Variants in ZBTB39 observed in about 807,000 individuals in gnomAD.
The protein encoded by ZBTB39 is zinc finger and BTB domain-containing protein 39.
In ZBTB39, 25 loss-of-function variants were observed where a neutral mutation model predicts 39.4. The ratio of observed to expected loss-of-function variants is 0.63; its 90% CI spans 0.46 to 0.89. The LOEUF is 0.89. Among genes scored for constraint, ZBTB39 ranks in the 40% least tolerant of loss-of-function variants. The pLI, the probability that ZBTB39 is intolerant of heterozygous loss-of-function variation, is 0.00. For synonymous variants in ZBTB39, 373 were observed against 359.6 expected, an observed-to-expected ratio of 1.04 and a Z score of -0.42; for missense variants, 891 against 909.7, an observed-to-expected ratio of 0.98 and a Z score of 0.26.
chr12:57,004,204 C>T lies in ZBTB39; in HGVS notation c.714G>A (p.Gln238=), dbSNP rs772649676. 1.1e-5 allele frequency: 17 copies of T among 1,614,170 alleles called. No homozygotes were observed. The Middle Eastern group carries it at 2.5e-3, about 235-fold the overall frequency. The change falls in exon 2 of 2, where the codon CAG becomes CAA. Residue 238 remains glutamine, a synonymous_variant. Transcript: ENST00000300101. ...ATGGCTGGCAGGAGCTCGTGCTGGT[C>T]TGGATGCCCGTGCTGACAGTGCCTA... is the stretch of plus-strand genomic sequence containing the variant. ...PLLGTVSTGI[Q]TSTSSCQPYK...
chr12:57,004,282 A>G lies in ZBTB39; in HGVS notation c.636T>C (p.His212=). Residue 212 remains histidine, a synonymous_variant, in exon 2 of 2, where the codon CAT becomes CAC. Transcript: ENST00000300101. ...PPPPPPKTED[H]DTPAPFTSIP... ...TGGACGTGAAGGGAGCAGGGGTGTCATGGTCTTCTGTCTTTGGCGGTGGTG... is the reference window on the plus strand; with the variant it reads ...TGGACGTGAAGGGAGCAGGGGTGTCGTGGTCTTCTGTCTTTGGCGGTGGTG... 6.2e-7 allele frequency: 1 copy of G among 1,614,150 alleles called. No individual in the cohort carries two copies. Among genetic ancestry groups the G allele is most frequent in the Non-Finnish European group, 8.5e-7 (1 of 1,180,018 alleles).
rs1054096358 is a variant in ZBTB39, at chr12:57,004,948, T to C, written c.-31A>G. ...CAGCTCCTATGAAATTACCTCCTTA[T>C]CAGCACAGTTAATCTGTGGATAGCA... On this transcript the variant is annotated 5_prime_UTR_variant, in exon 2 of 2. Coordinates refer to ENST00000300101, the MANE Select transcript of ZBTB39 (RefSeq NM_014830.3). 6.4e-7 allele frequency: 1 copy of C among 1,551,646 alleles called. No individual in the cohort carries two copies. Among genetic ancestry groups the C allele is most frequent in the Non-Finnish European group, 8.7e-7 (1 of 1,144,554 alleles).
rs1956237412 is a variant in ZBTB39 at position 57,005,100 on chromosome 12, C to T, written c.-44-139G>A. On this transcript the variant is annotated intron_variant, in intron 1 of 1. Transcript: ENST00000300101. The stretch of plus-strand genomic sequence containing the variant: ...GAGTAAACTGGCATGGAGAGTTCCT[C>T]CATTATGACAAGGCAATGACATCTC... The T allele has an allele frequency of 1.2e-5, 7 of 605,778 alleles. No homozygotes were observed. The South Asian group carries it at 1.3e-4, about 11-fold the overall frequency. 37.5% of individuals were successfully genotyped at this position (605,778 alleles called of 1,614,324 possible).
Position 57,004,495 on chromosome 12 carries a change from G to A in ZBTB39, c.423C>T (p.His141=). The A allele has an allele frequency of 6.2e-7, 1 of 1,614,202 alleles. No individual in the cohort carries two copies. Among genetic ancestry groups the A allele is most frequent in the South Asian group, 1.1e-5 (1 of 91,078 alleles). ...AKPLTSTSES[H]SGTLSCPSAE... The stretch of plus-strand genomic sequence containing the variant: ...CCGAAGGACAACTCAGGGTACCAGA[G>A]TGGCTCTCACTGGTGCTGGTCAGGG... Residue 141 remains histidine (H), a synonymous_variant, in exon 2 of 2, where the codon CAC becomes CAT. Coordinates refer to ENST00000300101, the MANE Select transcript of ZBTB39 (RefSeq NM_014830.3).
Position 57,003,233 on chromosome 12 carries a change from C to T in ZBTB39, c.1685G>A (p.Cys562Tyr). 6.2e-7 allele frequency: 1 copy of T among 1,614,214 alleles called. No individual in the cohort carries two copies. The highest frequency in any genetic ancestry group is 8.5e-7 in the Non-Finnish European group (1 of 1,180,038). The stretch of plus-strand genomic sequence containing the variant: ...AGGCCGTGCATCAAGGCCACTGTTG[C>T]ATTTGTGCTGGCTGACGTGGTAGCG... ...AYRYHVSQHK[C>Y]NSGLDARPGF... Residue 562 changes from cysteine to tyrosine, a missense_variant, in exon 2 of 2, where the codon TGC becomes TAC. Transcript: ENST00000300101. This position sits in a 1 kb window ranked among gnomAD's most constrained non-coding sequence, Gnocchi z 4.8.
At chr12:57,005,165 C>G (rs1189632298) in intron 1 of ZBTB39, among the ~76,000 whole-genome samples, 1 of 152,138 alleles carries the variant, frequency 6.6e-6, no homozygotes, top group African/African-American at 2.4e-5. Flanking sequence ...AAAACCAAAA[C>G]GACTGATGAC....
Position 57,001,933 on chromosome 12 carries a change from G to A in ZBTB39, c.*846C>T, listed in dbSNP as rs559260060. The stretch of plus-strand genomic sequence containing the variant: ...TCCACCAAGACACTCATGGCCAACA[G>A]AAGTGGCCAAAACAGATGACTATAT... On this transcript the variant is annotated 3_prime_UTR_variant, in exon 2 of 2. Coordinates refer to ENST00000300101, the MANE Select transcript of ZBTB39 (RefSeq NM_014830.3). The A allele has an allele frequency of 1.3e-5, 2 of 152,714 alleles. No individual in the cohort carries two copies. Among genetic ancestry groups the A allele is most frequent in the East Asian group, 1.9e-4 (1 of 5,184 alleles). The allele number at this position is 152,714 out of a possible 1,614,324, so 9.5% of individuals were successfully genotyped here. A position where few individuals can be genotyped will look rare whatever the true frequency, so the allele number is the denominator to read the frequency against.
chr12:57,003,514 C>A lies in ZBTB39; in HGVS notation c.1404G>T (p.Arg468=). ...AGTTTAGATGGTCAAGGATGTGGCC[C>A]CGGACCACATGGAAATCTTTGGCCA... ...KVLAKDFHVV[R]GHILDHLNLK... Residue 468 remains arginine, a synonymous_variant, in exon 2 of 2, where the codon CGG becomes CGT. Coordinates refer to ENST00000300101, the MANE Select transcript of ZBTB39 (RefSeq NM_014830.3). The surrounding 1 kb of genome is among the most constrained non-coding windows in gnomAD (Gnocchi z 4.8). 1 of 1,614,002 alleles carries A rather than the reference C, an allele frequency of 6.2e-7. No homozygotes were observed. The highest frequency in any genetic ancestry group is 8.5e-7 in the Non-Finnish European group (1 of 1,179,884).
chr12:57,004,394 G>A lies in ZBTB39; in HGVS notation c.524C>T (p.Pro175Leu), dbSNP rs368703705. 9 of 1,614,162 alleles carry A rather than the reference G, an allele frequency of 5.6e-6. No individual in the cohort carries two copies. The highest frequency in any genetic ancestry group is 7.6e-6 in the Non-Finnish European group (9 of 1,180,030). Residue 175 changes from proline (P) to leucine (L), a missense_variant, in exon 2 of 2, where the codon CCC (proline) becomes CTC (leucine). Transcript: ENST00000300101. ...TTTATAGCTCCCTCCAGCATCACTGGGCAACACATAGTTTCTATCAGCACC... is the reference window on the plus strand; with the variant it reads ...TTTATAGCTCCCTCCAGCATCACTGAGCAACACATAGTTTCTATCAGCACC... ...YLGADRNYVL[P>L]SDAGGSYKEE...
Position 57,004,507 on chromosome 12 carries a change from G to A in ZBTB39, c.411C>T (p.Thr137=). 6.2e-7 allele frequency: 1 copy of A among 1,614,160 alleles called. No homozygotes were observed. Among genetic ancestry groups the A allele is most frequent in the African/African-American group, 1.3e-5 (1 of 75,020 alleles). Reference sequence around the variant, plus strand: ...TCAGGGTACCAGAGTGGCTCTCACTGGTGCTGGTCAGGGGCTTGGCCCTGG... The same window carrying A: ...TCAGGGTACCAGAGTGGCTCTCACTAGTGCTGGTCAGGGGCTTGGCCCTGG... ...STARAKPLTS[T]SESHSGTLSC... Residue 137 remains threonine (T), a synonymous_variant, in exon 2 of 2, where the codon ACC becomes ACT. Coordinates refer to ENST00000300101, the MANE Select transcript of ZBTB39 (RefSeq NM_014830.3).
rs375715686 is a variant in ZBTB39 at position 57,002,831 on chromosome 12, G to T, written c.2087C>A (p.Thr696Asn). The T allele has an allele frequency of 2.5e-6, 4 of 1,614,096 alleles. No homozygotes were observed. Among genetic ancestry groups the T allele is most frequent in the South Asian group, 1.1e-5 (1 of 91,092 alleles). ...TTTGGAATGGATGATGTACATGAAGGTCTGCTCGATGGTGAAGTCAGGGGG... is the reference window on the plus strand; with the variant it reads ...TTTGGAATGGATGATGTACATGAAGTTCTGCTCGATGGTGAAGTCAGGGGG... ...SLPPDFTIEQ[T>N]FMYIIHSKEA... Residue 696 changes from threonine (T) to asparagine (N), a missense_variant, in exon 2 of 2, where the codon ACC becomes AAC. By Grantham distance (65) the Thr-to-Asn change is moderately conservative. Coordinates refer to ENST00000300101, the MANE Select transcript of ZBTB39 (RefSeq NM_014830.3).
At position 57,004,864 on chromosome 12, in the gene ZBTB39, C is replaced by T. The variant is rs148107198; in HGVS notation, c.54G>A (p.Lys18=). The T allele has an allele frequency of 6.4e-5, 103 of 1,612,692 alleles. No homozygotes were observed. In the African/African-American group the frequency reaches 7.5e-4, roughly 12 times the overall value. The change falls in exon 2 of 2, where the codon AAG becomes AAA. Residue 18 remains lysine, a synonymous_variant. Coordinates refer to ENST00000300101, the MANE Select transcript of ZBTB39 (RefSeq NM_014830.3). ...QSTNHPNNLL[K]ELNKCRLSET... ...CTGAGAGCCGGCACTTGTTGAGTTC[C>T]TTCAGCAGGTTGTTGGGGTGGTTGG...
chr12:57,004,223 G>C lies in ZBTB39; in HGVS notation c.695C>G (p.Thr232Ser). The C allele has an allele frequency of 2.5e-6, 4 of 1,614,226 alleles. No homozygotes were observed. The highest frequency in any genetic ancestry group is 3.4e-6 in the Non-Finnish European group (4 of 1,180,034). ...PSMMTQPLLG[T>S]VSTGIQTSTS... ...GCTGGTCTGGATGCCCGTGCTGACA[G>C]TGCCTAGGAGTGGCTGGGTCATCAT... Residue 232 changes from threonine (T) to serine (S), a missense_variant, in exon 2 of 2, where the codon ACT becomes AGT. Physicochemically the swap from Thr to Ser is moderately conservative, Grantham distance 58. Transcript: ENST00000300101.
Position 57,002,938 on chromosome 12 carries a change from C to A in ZBTB39, c.1980G>T (p.Met660Ile). 1.2e-6 allele frequency: 2 copies of A among 1,614,262 alleles called. No homozygotes were observed. The highest frequency in any genetic ancestry group is 8.5e-7 in the Non-Finnish European group (1 of 1,180,054). ...CHLKTHSGAL[M>I]YRCTVCGHYS... ...AGTGCCCACAGACTGTGCAGCGGTA[C>A]ATGAGGGCCCCCGAGTGTGTCTTTA... The change falls in exon 2 of 2, where the codon ATG becomes ATT. Residue 660 changes from methionine to isoleucine, a missense_variant. Coordinates refer to ENST00000300101, the MANE Select transcript of ZBTB39 (RefSeq NM_014830.3).
Position 57,003,223 on chromosome 12 carries a change from G to A in ZBTB39, c.1695C>T (p.Gly565=). The part of the protein sequence containing the change: ...YHVSQHKCNS[G]LDARPGFGLQ... ...GCCCAAAACCAGGCCGTGCATCAAG[G>A]CCACTGTTGCATTTGTGCTGGCTGA... is the stretch of plus-strand genomic sequence containing the variant. The change falls in exon 2 of 2, where the codon GGC becomes GGT. Residue 565 remains glycine, a synonymous_variant. Coordinates refer to ENST00000300101, the MANE Select transcript of ZBTB39 (RefSeq NM_014830.3). This position sits in a 1 kb window ranked among gnomAD's most constrained non-coding sequence, Gnocchi z 4.8. The A allele has an allele frequency of 6.2e-7, 1 of 1,614,210 alleles. No homozygotes were observed. The highest frequency in any genetic ancestry group is 8.5e-7 in the Non-Finnish European group (1 of 1,180,038).
chr12:57,006,031 G>A (rs1956243160), intron 1 of ZBTB39, among the ~76,000 whole-genome samples: 1 of 152,206 alleles, frequency 6.6e-6, no homozygotes, highest in African/African-American at 2.4e-5. Flanking sequence ...GCAGCCAGAG[G>A]AGAGGGTGGG....
rs1956197612 is a variant in ZBTB39, at chr12:56,999,430, C to T, written c.*3349G>A. On this transcript the variant is annotated 3_prime_UTR_variant, in exon 2 of 2. Transcript: ENST00000300101. ...CTGTCTAGGAAAAAGATATTTAAGC[C>T]CAAAGGTTTGGCCTGGAGACAAACA... is the stretch of plus-strand genomic sequence containing the variant. 1 of 152,054 alleles carries T rather than the reference C, an allele frequency of 6.6e-6. No individual in the cohort carries two copies. The highest frequency in any genetic ancestry group is 6.6e-5 in the Admixed American group (1 of 15,262). 9.4% of individuals were successfully genotyped at this position (152,054 alleles called of 1,614,324 possible).
In ZBTB39 at chr12:57,002,815, G is replaced by C; in HGVS notation, c.2103C>G (p.Ile701Met). Residue 701 changes from isoleucine to methionine, a missense_variant, in exon 2 of 2, where the codon ATC (isoleucine) becomes ATG (methionine). Coordinates refer to ENST00000300101, the MANE Select transcript of ZBTB39 (RefSeq NM_014830.3). ...GGTTCTTATCCGCCTCTTTGGAATG[G>C]ATGATGTACATGAAGGTCTGCTCGA... ...FTIEQTFMYI[I>M]HSKEADKNPD... The C allele has an allele frequency of 2.5e-6, 4 of 1,614,226 alleles. No homozygotes were observed. Among genetic ancestry groups the C allele is most frequent in the Non-Finnish European group, 3.4e-6 (4 of 1,180,040 alleles).
intron 1 of ZBTB39, 109 bp from the exon 2 acceptor site, chr12:57,005,070 A>T: frequency 1.3e-6 from 1 of 754,238 alleles, no homozygotes. Context: ...CCAGGTAGGG[A>T]TCAGGAGTAA....
Sources: allele counts gnomAD v4.1 joint callset (sites outside exome capture counted in the v4.1 genomes callset), GRCh38; gene constraint gnomAD v4.1.1; non-coding constraint Gnocchi (gnomAD v3.1); transcripts MANE v1.5; gene names NCBI Gene and HGNC (gene_info 2026-07-23, HGNC 2026-07-21).